The following HEMK2 variants were observed in gnomAD, a reference collection of about 807,000 sequenced individuals.
HEMK2 encodes the protein methyltransferase HEMK2.
the HEMK2 span, among the ~76,000 whole-genome samples, chr21:28,866,793 T>G: frequency 1.3e-5 from 2 of 152,050 alleles, no homozygotes; most frequent in African/African-American, 4.8e-5. Context: ...GTTTGCAAAA[T>G]GTAGAGATTA....
chr21:28,785,908 T>G, the HEMK2 span, among the ~76,000 whole-genome samples: 1,653 of 152,366 alleles, frequency 0.011, 26 homozygotes, highest in African/African-American at 0.037. Context: ...ATCAGTCAAC[T>G]CATACTCATG....
chr21:28,789,185 G>C, the HEMK2 span, among the ~76,000 whole-genome samples: 3 of 152,150 alleles, frequency 2.0e-5, no homozygotes, highest in Non-Finnish European at 2.9e-5. Context: ...TTAGTGTAAG[G>C]ACGTCCCAGG....
the HEMK2 span, among the ~76,000 whole-genome samples, chr21:28,759,547 G>A: frequency 3.9e-5 from 6 of 152,146 alleles, no homozygotes; most frequent in Non-Finnish European, 7.4e-5. Context: ...CTGTTGAGAA[G>A]GCATGATTGA....
chr21:28,611,866 C>T, the HEMK2 span, among the ~76,000 whole-genome samples: 2 of 144,244 alleles, frequency 1.4e-5, no homozygotes, highest in African/African-American at 2.6e-5. Flanking sequence ...GAGTGAAGAT[C>T]GTGCCACTGC....
the HEMK2 span, among the ~76,000 whole-genome samples, chr21:28,808,477 G>A: frequency 4.7e-5 from 7 of 149,382 alleles, no homozygotes; most frequent in African/African-American, 1.7e-4. Flanking sequence ...TCAATTTGAT[G>A]AGAAATAACA....
chr21:28,730,504 T>C, the HEMK2 span, among the ~76,000 whole-genome samples: 1 of 152,054 alleles, frequency 6.6e-6, no homozygotes, highest in Non-Finnish European at 1.5e-5. Context: ...AATCAAGGTG[T>C]TGGCCAGGCT....
the HEMK2 span, among the ~76,000 whole-genome samples, chr21:28,741,038 C>T: frequency 1.3e-5 from 2 of 152,168 alleles, no homozygotes. Flanking sequence ...TTAATATACA[C>T]ATGTGTTAGC....
the HEMK2 span, among the ~76,000 whole-genome samples, chr21:28,604,318 G>A: frequency 5.0e-4 from 76 of 152,222 alleles, no homozygotes; most frequent in South Asian, 0.014. Context: ...TGTAAATGAC[G>A]AGTTGATAGG....
At chr21:28,735,079 G>A in the HEMK2 span, among the ~76,000 whole-genome samples, 1 of 152,156 alleles carries the variant, frequency 6.6e-6, no homozygotes, top group African/African-American at 2.4e-5. Context: ...AGGCTAGTCT[G>A]GGCATGGCTT....
the HEMK2 span, among the ~76,000 whole-genome samples, chr21:28,649,394 A>C: frequency 6.6e-6 from 1 of 152,246 alleles, no homozygotes; most frequent in Non-Finnish European, 1.5e-5. Context: ...ATATCACCTC[A>C]GTGAACAAAC....
the HEMK2 span, among the ~76,000 whole-genome samples, chr21:28,598,393 T>TC: frequency 6.6e-6 from 1 of 152,222 alleles, no homozygotes; most frequent in Non-Finnish European, 1.5e-5. Context: ...TCATTGCATG[T>TC]CTTTGTGATA....
the HEMK2 span, among the ~76,000 whole-genome samples, chr21:28,732,897 T>C: frequency 2.6e-5 from 4 of 152,184 alleles, no homozygotes; most frequent in African/African-American, 9.6e-5. Context: ...TTGTCGGTAA[T>C]ACCCGGGTAC....
the HEMK2 span, among the ~76,000 whole-genome samples, chr21:28,631,320 A>G: frequency 6.6e-6 from 1 of 152,260 alleles, no homozygotes; most frequent in Admixed American, 6.5e-5. Flanking sequence ...CAAATGTGCT[A>G]GTAACATTCT....
chr21:28,802,759 T>A, the HEMK2 span, among the ~76,000 whole-genome samples: 4 of 152,080 alleles, frequency 2.6e-5, no homozygotes, highest in Non-Finnish European at 5.9e-5. Context: ...AAAAAAGAAA[T>A]GAAAAATATA....
At chr21:28,863,410 TTATATATATATATATATATATATATATA>T in the HEMK2 span, among the ~76,000 whole-genome samples, 183 of 38,988 alleles carry the variant, frequency 4.7e-3, 4 homozygotes, top group East Asian at 0.03. Flanking sequence ...AAACTCCCTT[TTATATATATATATATATATATATATATA>T]TATATATATA....
the HEMK2 span, among the ~76,000 whole-genome samples, chr21:28,603,547 A>ATGTGTGTGTG: frequency 3.0e-4 from 24 of 80,834 alleles, no homozygotes; most frequent in South Asian, 1.7e-3. Context: ...CTGAGGATAT[A>ATGTGTGTGTG]TATGTGTGTG....
At chr21:28,725,361 G>C in the HEMK2 span, among the ~76,000 whole-genome samples, 3 of 152,168 alleles carry the variant, frequency 2.0e-5, no homozygotes, top group Non-Finnish European at 4.4e-5. Context: ...ACCTCAGAAA[G>C]CACAGGTAGG....
chr21:28,783,553 G>GT, the HEMK2 span, among the ~76,000 whole-genome samples: 1 of 152,224 alleles, frequency 6.6e-6, no homozygotes, highest in Non-Finnish European at 1.5e-5. Flanking sequence ...ATAAGGCCAG[G>GT]TAAGAAATTA....
At chr21:28,747,667 A>C in the HEMK2 span, among the ~76,000 whole-genome samples, 4 of 152,242 alleles carry the variant, frequency 2.6e-5, no homozygotes, top group Admixed American at 2.6e-4. Context: ...TGTGGTACAC[A>C]TATACCATGG....
Sources: allele counts gnomAD v4.1 joint callset (sites outside exome capture counted in the v4.1 genomes callset), GRCh38; gene constraint gnomAD v4.1.1; transcripts MANE v1.5; gene names NCBI Gene and HGNC (gene_info 2026-07-23, HGNC 2026-07-21).